The following ADD2 variants were observed in gnomAD, a reference collection of about 807,000 sequenced individuals.
ADD2 encodes beta-adducin.
A neutral mutation model predicts 83.0 loss-of-function variants in ADD2; 23 were observed. The ratio of observed to expected loss-of-function variants is 0.28; its 90% CI spans 0.20 to 0.39. The LOEUF is 0.39. Ranked by LOEUF, ADD2 falls within the 10% of genes least tolerant of loss-of-function variation. The probability of loss-of-function intolerance (pLI) is 1.00; values close to 1 mark genes in which losing one functional copy is unlikely to be tolerated. For synonymous variants in ADD2, 375 were observed against 375.4 expected, an observed-to-expected ratio of 1.00 and a Z score of 0.01; for missense variants, 758 against 944.9, an observed-to-expected ratio of 0.80 and a Z score of 2.59.
At chr2:70,664,290 C>CA (rs1675665074) in intron 15 of ADD2, among the ~76,000 whole-genome samples, 1 of 152,172 alleles carries the variant, frequency 6.6e-6, no homozygotes, top group African/African-American at 2.4e-5. Flanking sequence ...ATTTCCAAGA[C>CA]ATGTTAGTCA....
chr2:70,689,795 G>A (rs1305212177), intron 8 of ADD2, among the ~76,000 whole-genome samples: 5 of 152,198 alleles, frequency 3.3e-5, no homozygotes, highest in African/African-American at 4.8e-5. Context: ...ATAAAACAGG[G>A]CTCAAGAGTT....
chr2:70,668,530 T>G (rs1669774074), intron 15 of ADD2, among the ~76,000 whole-genome samples: 1 of 152,216 alleles, frequency 6.6e-6, no homozygotes, highest in African/African-American at 2.4e-5. Flanking sequence ...AGTACACTGT[T>G]TATGACAGAA....
chr2:70,726,241 T>C (rs1553378278), intron 1 of ADD2, among the ~76,000 whole-genome samples: 3 of 138,150 alleles, frequency 2.2e-5, no homozygotes, highest in South Asian at 4.7e-4. Flanking sequence ...AGCACCATGA[T>C]GACAAAGGAA....
intron 12 of ADD2, among the ~76,000 whole-genome samples, chr2:70,677,447 C>A (rs1670219562): frequency 6.6e-6 from 1 of 152,234 alleles, no homozygotes; most frequent in Admixed American, 6.5e-5. Context: ...ACACAGCAAT[C>A]TTGAAATATT....
chr2:70,686,289 G>A (rs1449708478), intron 9 of ADD2, among the ~76,000 whole-genome samples: 1 of 152,064 alleles, frequency 6.6e-6, no homozygotes, highest in Non-Finnish European at 1.5e-5. Context: ...CTACCAGCTG[G>A]GGGAAAAAAA....
intron 1 of ADD2, among the ~76,000 whole-genome samples, chr2:70,732,840 G>C (rs958288741): frequency 2.6e-5 from 4 of 152,160 alleles, no homozygotes; most frequent in African/African-American, 9.7e-5. Flanking sequence ...CTGGTTATTT[G>C]GGGGAGGAGG....
chr2:70,664,704 C>A (rs897288741), intron 15 of ADD2, among the ~76,000 whole-genome samples: 2 of 151,742 alleles, frequency 1.3e-5, no homozygotes, highest in Non-Finnish European at 2.9e-5. Flanking sequence ...TGGGTGAGCA[C>A]GTGTGAGTGT....
intron 4 of ADD2, among the ~76,000 whole-genome samples, chr2:70,698,622 A>G (rs1449899714): frequency 2.0e-5 from 3 of 152,196 alleles, no homozygotes; most frequent in African/African-American, 7.2e-5. Context: ...GGTTATTCCA[A>G]TTATCCTGAT....
chr2:70,720,504 A>C (rs1291685166), intron 1 of ADD2, among the ~76,000 whole-genome samples: 1 of 152,212 alleles, frequency 6.6e-6, no homozygotes, highest in Admixed American at 6.5e-5. Context: ...TCTGTATTCT[A>C]GCGTCTCCTG....
At chr2:70,746,238 CCTCTT>C (rs1385778258) in intron 1 of ADD2, among the ~76,000 whole-genome samples, 4 of 152,176 alleles carry the variant, frequency 2.6e-5, no homozygotes, top group Non-Finnish European at 5.9e-5. Flanking sequence ...AATTAATAGG[CCTCTT>C]CTATGAGCTC....
chr2:70,708,606 G>A (rs1672022163), intron 2 of ADD2, among the ~76,000 whole-genome samples: 2 of 152,192 alleles, frequency 1.3e-5, no homozygotes, highest in Admixed American at 1.3e-4. Flanking sequence ...CACAGGCCAA[G>A]TCCCATAGCT....
chr2:70,747,652 A>T (rs1441087170), intron 1 of ADD2, among the ~76,000 whole-genome samples: 3 of 152,206 alleles, frequency 2.0e-5, no homozygotes, highest in African/African-American at 7.2e-5. Flanking sequence ...CCATCATGCC[A>T]CAGCATAGTC....
intron 1 of ADD2, among the ~76,000 whole-genome samples, chr2:70,758,056 G>T (rs1266984266): frequency 6.6e-6 from 1 of 152,202 alleles, no homozygotes; most frequent in African/African-American, 2.4e-5. Flanking sequence ...CATCACTTCT[G>T]GTTACCAGGG....
At chr2:70,727,519 G>A (rs1040269748) in intron 1 of ADD2, among the ~76,000 whole-genome samples, 3 of 152,034 alleles carry the variant, frequency 2.0e-5, no homozygotes, top group South Asian at 2.1e-4. Flanking sequence ...GAGTATTTCC[G>A]GATTTTCCAC....
chr2:70,753,646 A>G (rs890814610), intron 1 of ADD2, among the ~76,000 whole-genome samples: 1 of 152,134 alleles, frequency 6.6e-6, no homozygotes, highest in Non-Finnish European at 1.5e-5. Flanking sequence ...CTGTTTCTCA[A>G]TGAAGCTGGA....
In ADD2 at chr2:70,695,742, A is replaced by C. The variant is rs781859519; in HGVS notation, c.534T>G (p.Ser178Arg). The change falls in exon 6 of 16, where the codon AGT becomes AGG. Residue 178 changes from serine to arginine, a missense_variant. Ser to Arg is a moderately radical substitution (Grantham distance 110, BLOSUM62 -1). Transcript: ENST00000264436. ...TCACCAGGCTGGACGCTGTGACTTC[A>C]CTGCAAGAAACTCCCTTAGGGCTGA... ...FLISPKGVSC[S>R]EVTASSLIKV... 5.0e-6 allele frequency: 8 copies of C among 1,613,996 alleles called. No individual in the cohort carries two copies. In the African/African-American group the frequency reaches 1.1e-4, roughly 22 times the overall value.
chr2:70,697,602 C>G (rs1671374733), intron 4 of ADD2, among the ~76,000 whole-genome samples: 1 of 152,158 alleles, frequency 6.6e-6, no homozygotes, highest in African/African-American at 2.4e-5. Flanking sequence ...TCTCCCAGCT[C>G]CCACCAAAGA....
rs78377692 is a variant in ADD2, at chr2:70,700,940, T to C, written c.322+3381A>G. On this transcript the variant is annotated intron_variant, in intron 4 of 15. Coordinates refer to ENST00000264436, the MANE Select transcript of ADD2 (RefSeq NM_001617.4). ...CAAAAACATCAAAAATCCCTAAAAA[T>C]ATTCCAGATCTAGATGACATTCTAA... 2.2e-3 allele frequency among the ~76,000 whole-genome samples: 339 copies of C among 152,062 alleles called. 9 individuals carry two copies. The East Asian group carries it at 0.052, about 23-fold the overall frequency.
Position 70,662,061 on chromosome 2 carries a change from T to A in ADD2, c.*1364A>T, listed in dbSNP as rs1413042788. ...GTGCTCAAAAGTGGAAAACTATGAT[T>A]AAGAACTTTCAAAAATATTTTCACG... On this transcript the variant is annotated 3_prime_UTR_variant, in exon 16 of 16. Coordinates refer to ENST00000264436, the MANE Select transcript of ADD2 (RefSeq NM_001617.4). 1 of 152,206 alleles carries A rather than the reference T, an allele frequency of 6.6e-6. No homozygotes were observed. Among genetic ancestry groups the A allele is most frequent in the African/African-American group, 2.4e-5 (1 of 41,460 alleles). The allele number at this position is 152,206 out of a possible 1,614,324, so 9.4% of individuals were successfully genotyped here.
Sources: gnomAD v4.1 joint callset for allele counts (sites outside exome capture counted in the v4.1 genomes callset) on GRCh38, gnomAD v4.1.1 for gene constraint, MANE v1.5 for transcripts, NCBI Gene and HGNC (gene_info 2026-07-23, HGNC 2026-07-21) for gene names.